Variants in KIR2DL3 observed in about 807,000 individuals in gnomAD.
KIR2DL3 encodes killer cell immunoglobulin like receptor, two Ig domains and long cytoplasmic tail 3.
KIR2DL3 carries 39 observed loss-of-function variants against 33.8 expected under a neutral mutation model. The ratio of observed to expected loss-of-function variants is 1.15; its 90% CI spans 0.89 to 1.51. KIR2DL3 has a LOEUF of 1.51. KIR2DL3 is among the 40% of genes most tolerant of loss of function. KIR2DL3 has a pLI of 0.00. For synonymous variants in KIR2DL3, 174 were observed against 160.2 expected, an observed-to-expected ratio of 1.09 and a Z score of -0.65; for missense variants, 462 against 426.2, an observed-to-expected ratio of 1.08 and a Z score of -0.74.
chr19:54,745,969 C>T lies in KIR2DL3; in HGVS notation c.665-1366C>T, dbSNP rs1335610755. Reference sequence around the variant, plus strand: ...CTGGAATTACAGGCACACGCCACCACGCCCAACTAAATTTTGTATTTTTAG... The same window carrying T: ...CTGGAATTACAGGCACACGCCACCATGCCCAACTAAATTTTGTATTTTTAG... On this transcript the variant is annotated intron_variant, in intron 4 of 7. Transcript: ENST00000342376. 5.2e-5 allele frequency among the ~76,000 whole-genome samples: 7 copies of T among 134,794 alleles called. 2 individuals carry two copies. The highest frequency in any genetic ancestry group is 1.1e-4 in the African/African-American group (4 of 36,236). The allele number at this position is 134,794 out of a possible 152,430, so 88.4% of individuals were successfully genotyped here. A position where few individuals can be genotyped will look rare whatever the true frequency, so the allele number is the denominator to read the frequency against.
intron 4 of KIR2DL3, among the ~76,000 whole-genome samples, chr19:54,745,021 A>G (rs2072220743): frequency 7.6e-6 from 1 of 131,156 alleles, no homozygotes; most frequent in African/African-American, 2.9e-5. Context: ...CCACCATTCT[A>G]CTCTCTACCT....
chr19:54,746,543 T>G (rs189066567), intron 4 of KIR2DL3, among the ~76,000 whole-genome samples: 5 of 148,586 alleles, frequency 3.4e-5, no homozygotes, highest in Middle Eastern at 3.4e-3. Flanking sequence ...ACTCACATCT[T>G]TAATCCATTT....
rs1444904673 is a variant in KIR2DL3 at position 54,742,030 on chromosome 19, T to A, written c.121T>A (p.Ser41Thr). 11 of 1,612,188 alleles carry A rather than the reference T, an allele frequency of 6.8e-6. No individual in the cohort carries two copies. The Admixed American group carries it at 8.3e-5, about 12-fold the overall frequency. Reference protein sequence around the residue: ...LLAHPGPLVKSEETVILQCWS... With the variant: ...LLAHPGPLVKTEETVILQCWS... ...GGCCCACCCAGGTCCCCTGGTGAAA[T>A]CAGAAGAGACAGTCATCCTGCAATG... is the stretch of plus-strand genomic sequence containing the variant. Residue 41 changes from serine to threonine, a missense_variant, in exon 3 of 8, where the codon TCA (serine) becomes ACA (threonine). Transcript: ENST00000342376.
In KIR2DL3 at chr19:54,743,878, C is replaced by A. The variant is rs200426472; in HGVS notation, c.454C>A (p.Arg152=). Residue 152 remains arginine, a synonymous_variant, in exon 4 of 8, where the codon CGG becomes AGG. Coordinates refer to ENST00000342376, the MANE Select transcript of KIR2DL3 (RefSeq NM_015868.3). ...GAGCGTGACCTTGTCCTGCAGCTCC[C>A]GGAGCTCCTATGACATGTACCATCT... The part of the protein sequence containing the change: ...GESVTLSCSS[R]SSYDMYHLSR... 7.2e-6 allele frequency: 11 copies of A among 1,537,354 alleles called. No homozygotes were observed. In the African/African-American group the frequency reaches 1.1e-4, roughly 16 times the overall value.
chr19:54,743,281 A>G (rs2071534789), intron 3 of KIR2DL3, among the ~76,000 whole-genome samples: 1 of 152,184 alleles, frequency 6.6e-6, no homozygotes. Flanking sequence ...GATAATACGT[A>G]CAGATAGAGA....
chr19:54,744,083 T>C lies in KIR2DL3; in HGVS notation c.659T>C (p.Val220Ala). Residue 220 changes from valine to alanine, a missense_variant, in exon 4 of 8, where the codon GTC becomes GCC. Val to Ala is a moderately conservative substitution (Grantham distance 64, BLOSUM62 0). Transcript: ENST00000342376. ...TCGAGTGACCCACTGCTTGTTTCTG[T>C]CACAGGTGAGGAAACCCCATATCTG... is the stretch of plus-strand genomic sequence containing the variant. The part of the protein sequence containing the change: ...SNSSDPLLVS[V>A]TGNPSNSWPS... 1 of 1,614,172 alleles carries C rather than the reference T, an allele frequency of 6.2e-7. No homozygotes were observed. The highest frequency in any genetic ancestry group is 2.2e-5 in the East Asian group (1 of 44,884).
In KIR2DL3 at chr19:54,743,976, C is replaced by T. The variant is rs202048877; in HGVS notation, c.552C>T (p.Asp184=). Reference sequence around the variant, plus strand: ...AGGTCAACGGAACATTCCAGGCCGACTTTCCTCTGGGCCCTGCCACCCACG... The same window carrying T: ...AGGTCAACGGAACATTCCAGGCCGATTTTCCTCTGGGCCCTGCCACCCACG... The part of the protein sequence containing the change: ...GPKVNGTFQA[D]FPLGPATHGG... The change falls in exon 4 of 8, where the codon GAC becomes GAT. Residue 184 remains aspartate, a synonymous_variant. Transcript: ENST00000342376. 6.2e-7 allele frequency: 1 copy of T among 1,614,132 alleles called. No homozygotes were observed. The highest frequency in any genetic ancestry group is 8.5e-7 in the Non-Finnish European group (1 of 1,180,056).
intron 5 of KIR2DL3, among the ~76,000 whole-genome samples, chr19:54,751,311 C>T (rs1170756432): frequency 7.6e-6 from 1 of 131,434 alleles, no homozygotes; most frequent in Non-Finnish European, 1.7e-5. Flanking sequence ...CTTGCTAACC[C>T]CGTCTCCTTG....
chr19:54,744,213 GGGATCAGGGCACA>G, intron 4 of KIR2DL3, 125 bp downstream of exon 4: 1 of 1,458,374 alleles, frequency 6.9e-7, no homozygotes, highest in Admixed American at 1.9e-5. Context: ...GTGTGAGGGA[GGGATCAGGGCACA>G]GGATGGCAGA....
intron 5 of KIR2DL3, among the ~76,000 whole-genome samples, chr19:54,750,349 G>A (rs1277474933): frequency 1.4e-5 from 2 of 141,674 alleles, no homozygotes; most frequent in Non-Finnish European, 3.1e-5. Flanking sequence ...TGGTATTGAA[G>A]CAATAGATGG....
chr19:54,740,070 A>G (rs1432842244), intron 2 of KIR2DL3, among the ~76,000 whole-genome samples: 3 of 152,206 alleles, frequency 2.0e-5, no homozygotes, highest in African/African-American at 7.2e-5. Context: ...TTTACTCAGC[A>G]CTTGCTCAAA....
rs1332635397 is a variant in KIR2DL3, at chr19:54,740,958, T to G, written c.71-1022T>G. On this transcript the variant is annotated intron_variant, in intron 2 of 7. Transcript: ENST00000342376. ...CCAAGATCCATGAATGCAGGTGGCC[T>G]ATAGAGGCTGGAAAAGTCAAGGAAC... is the stretch of plus-strand genomic sequence containing the variant. 2.6e-5 allele frequency among the ~76,000 whole-genome samples: 4 copies of G among 151,548 alleles called. No homozygotes were observed. The South Asian group carries it at 8.4e-4, about 32-fold the overall frequency.
At chr19:54,739,778 G>A (rs2070667096) in intron 2 of KIR2DL3, among the ~76,000 whole-genome samples, 1 of 152,130 alleles carries the variant, frequency 6.6e-6, no homozygotes, top group African/African-American at 2.4e-5. Flanking sequence ...GTTGGGAAGT[G>A]GTAGGAACAG....
Position 54,752,460 on chromosome 19 carries a change from C to A in KIR2DL3, c.967C>A (p.Pro323Thr). 6.8e-7 allele frequency: 1 copy of A among 1,465,774 alleles called. No individual in the cohort carries two copies. Among genetic ancestry groups the A allele is most frequent in the East Asian group, 2.3e-5 (1 of 44,276 alleles). 90.8% of individuals were successfully genotyped at this position (1,465,774 alleles called of 1,614,324 possible). ...QRKITRPSQR[P>T]KTPPTDIIVY... ...AAAAATCACTCGCCCTTCTCAGAGGCCCAAGACACCCCCAACAGATATCAT... is the reference window on the plus strand; with the variant it reads ...AAAAATCACTCGCCCTTCTCAGAGGACCAAGACACCCCCAACAGATATCAT... Residue 323 changes from proline (P) to threonine (T), a missense_variant, in exon 8 of 8, where the codon CCC (proline) becomes ACC (threonine). By Grantham distance (38) the Pro-to-Thr change is conservative. Coordinates refer to ENST00000342376, the MANE Select transcript of KIR2DL3 (RefSeq NM_015868.3).
At position 54,752,611 on chromosome 19, in the gene KIR2DL3, A is replaced by T; in HGVS notation, c.*92A>T. On this transcript the variant is annotated 3_prime_UTR_variant, in exon 8 of 8. Transcript: ENST00000342376. ...AGCCCTGTCTCAAAACTGGGTTGCC[A>T]GCTCCAATGTACCAGCAGCTGGAAT... 5.0e-6 allele frequency: 7 copies of T among 1,398,834 alleles called. 1 individual carries two copies. The highest frequency in any genetic ancestry group is 6.9e-6 in the Non-Finnish European group (7 of 1,018,560). The allele number at this position is 1,398,834 out of a possible 1,614,324, so 86.7% of individuals were successfully genotyped here. A position where few individuals can be genotyped will look rare whatever the true frequency, so the allele number is the denominator to read the frequency against.
intron 5 of KIR2DL3, among the ~76,000 whole-genome samples, chr19:54,748,568 A>G (rs1338842677): frequency 6.7e-6 from 1 of 148,600 alleles, no homozygotes; most frequent in Non-Finnish European, 1.5e-5. Context: ...GCACAAGTGG[A>G]TCTATAAATG....
At position 54,746,077 on chromosome 19, in the gene KIR2DL3, G is replaced by T. The variant is rs1555909564; in HGVS notation, c.665-1258G>T. 7.4e-4 allele frequency among the ~76,000 whole-genome samples: 81 copies of T among 110,148 alleles called. 6 individuals carry two copies. Among genetic ancestry groups the T allele is most frequent in the Middle Eastern group, 4.8e-3 (1 of 208 alleles). 72.3% of individuals were successfully genotyped at this position (110,148 alleles called of 152,430 possible). On this transcript the variant is annotated intron_variant, in intron 4 of 7. Coordinates refer to ENST00000342376, the MANE Select transcript of KIR2DL3 (RefSeq NM_015868.3). ...GTTCACCCACCTCAGGCTCTCAAAG[G>T]TCTAGGATGACAGACGTGAGCCACC... is the stretch of plus-strand genomic sequence containing the variant.
chr19:54,746,749 A>C (rs796487828), intron 4 of KIR2DL3, among the ~76,000 whole-genome samples: 2 of 140,700 alleles, frequency 1.4e-5, no homozygotes, highest in African/African-American at 5.2e-5. Flanking sequence ...TTGGGAGCCC[A>C]AGGCGGGTGG....
intron 4 of KIR2DL3, among the ~76,000 whole-genome samples, chr19:54,745,716 A>T (rs541969449): frequency 6.6e-6 from 1 of 151,674 alleles, no homozygotes; most frequent in Admixed American, 6.6e-5. Context: ...AGGCTGTACT[A>T]ATTTACACTC....
Sources: allele counts gnomAD v4.1 joint callset (sites outside exome capture counted in the v4.1 genomes callset), GRCh38; gene constraint gnomAD v4.1.1; transcripts MANE v1.5; gene names NCBI Gene and HGNC (gene_info 2026-07-23, HGNC 2026-07-21).